DIP2B: variants seen among roughly 807,000 people sequenced by gnomAD.
DIP2B encodes the protein DIP2 acetate--CoA ligase B (putative).
A neutral mutation model predicts 198.0 loss-of-function variants in DIP2B; 76 were observed. The observed-to-expected ratio is 0.38, with a 90% CI of 0.32 to 0.46. The LOEUF (loss-of-function observed/expected upper bound fraction) is 0.46, where lower values mean the gene tolerates loss of function less well. DIP2B is among the 20% of genes least tolerant of loss of function. The probability of loss-of-function intolerance (pLI) is 0.99; values close to 1 mark genes in which losing one functional copy is unlikely to be tolerated. For synonymous variants in DIP2B, 701 were observed against 739.1 expected, an observed-to-expected ratio of 0.95 and a Z score of 0.84; for missense variants, 1,559 against 1,978.4, an observed-to-expected ratio of 0.79 and a Z score of 4.02.
At chr12:50,652,542 A>T (rs2139502191) in intron 3 of DIP2B, among the ~76,000 whole-genome samples, 1 of 152,134 alleles carries the variant, frequency 6.6e-6, no homozygotes, top group East Asian at 1.9e-4. Context: ...TTTCAAAAAA[A>T]AGAAGTATGA....
chr12:50,708,601 C>T, intron 22 of DIP2B, 39 bp downstream of exon 22: 3 of 1,493,382 alleles, frequency 2.0e-6, no homozygotes, highest in Non-Finnish European at 2.7e-6. Context: ...TCAGCGGTGG[C>T]AGCAACCACT....
Position 50,521,190 on chromosome 12 carries a change from T to A in DIP2B, c.100+15950T>A, listed in dbSNP as rs769603424. On this transcript the variant is annotated intron_variant, in intron 1 of 37. Coordinates refer to ENST00000301180, the MANE Select transcript of DIP2B (RefSeq NM_173602.3). ...GGCGCGATGTCAGGTCACTGCAACCTCTGCCTCCCGGGTTTAATCGATTCT... is the reference window on the plus strand; with the variant it reads ...GGCGCGATGTCAGGTCACTGCAACCACTGCCTCCCGGGTTTAATCGATTCT... Among the ~76,000 whole-genome samples, 50 of 142,870 alleles carry A rather than the reference T, an allele frequency of 3.5e-4. 1 individual carries two copies. Among genetic ancestry groups the A allele is most frequent in the Non-Finnish European group, 1.5e-5 (1 of 66,236 alleles). 93.7% of individuals were successfully genotyped at this position (142,870 alleles called of 152,430 possible).
chr12:50,600,886 G>GACC (rs1375464817), intron 1 of DIP2B, among the ~76,000 whole-genome samples: 64 of 135,084 alleles, frequency 4.7e-4, no homozygotes, highest in Middle Eastern at 7.3e-3. Context: ...TCACCACCAT[G>GACC]ACCACCATCA....
rs1331888198 is a variant in DIP2B, at chr12:50,727,751, C to A, written c.3449C>A (p.Pro1150His). 6.2e-7 allele frequency: 1 copy of A among 1,614,192 alleles called. No individual in the cohort carries two copies. The highest frequency in any genetic ancestry group is 1.7e-5 in the Admixed American group (1 of 60,022). ...CCTCAGCTGTATAAACCGCCCACTC[C>A]TGAGATGTTGGCATATCTTGATTTT... Reference protein sequence around the residue: ...RLPQLYKPPTPEMLAYLDFSV... With the variant: ...RLPQLYKPPTHEMLAYLDFSV... Residue 1150 changes from proline (P) to histidine (H), a missense_variant, in exon 29 of 38, where the codon CCT becomes CAT. Coordinates refer to ENST00000301180, the MANE Select transcript of DIP2B (RefSeq NM_173602.3).
At chr12:50,603,957 T>A (rs748180045) in intron 1 of DIP2B, among the ~76,000 whole-genome samples, 8 of 152,124 alleles carry the variant, frequency 5.3e-5, no homozygotes, top group Non-Finnish European at 8.8e-5. Flanking sequence ...GTTCCAGGCC[T>A]TGGCTTGCTG....
intron 1 of DIP2B, among the ~76,000 whole-genome samples, chr12:50,591,301 A>T (rs1958816029): frequency 6.6e-6 from 1 of 151,902 alleles, no homozygotes; most frequent in South Asian, 2.1e-4. Context: ...CAATTCTTGA[A>T]CCTGAAGTTA....
chr12:50,620,263 C>T (rs1431219030), intron 1 of DIP2B, among the ~76,000 whole-genome samples: 3 of 152,290 alleles, frequency 2.0e-5, no homozygotes, highest in African/African-American at 4.8e-5. Flanking sequence ...GGCAGGCTCA[C>T]GCACGCCTCC....
chr12:50,738,234 G>A (rs1940173802), intron 35 of DIP2B, among the ~76,000 whole-genome samples: 1 of 151,988 alleles, frequency 6.6e-6, no homozygotes, highest in Non-Finnish European at 1.5e-5. Flanking sequence ...CAGCTACTCA[G>A]GAGGCTGAGG....
At chr12:50,567,441 A>G (rs1207880972) in intron 1 of DIP2B, among the ~76,000 whole-genome samples, 1 of 152,124 alleles carries the variant, frequency 6.6e-6, no homozygotes, top group African/African-American at 2.4e-5. Context: ...TAGCTTTTTC[A>G]TAGTTTCTAT....
chr12:50,594,664 TATTA>T (rs1187143408), intron 1 of DIP2B, among the ~76,000 whole-genome samples: 4 of 152,222 alleles, frequency 2.6e-5, no homozygotes, highest in South Asian at 2.1e-4. Context: ...ATGATCAGAT[TATTA>T]ATTGAGAGTT....
At chr12:50,698,603 T>A in intron 18 of DIP2B, 136 bp downstream of exon 18, 1 of 1,079,424 alleles carries the variant, frequency 9.3e-7, no homozygotes, top group Non-Finnish European at 1.3e-6. Flanking sequence ...AGAGCCTCTC[T>A]AATAGTTAAG....
At chr12:50,736,843 C>G (rs971365862) in intron 34 of DIP2B, among the ~76,000 whole-genome samples, 193 bp from the exon 35 acceptor site, 6 of 152,200 alleles carry the variant, frequency 3.9e-5, no homozygotes, top group African/African-American at 1.4e-4. Flanking sequence ...CTTCAATGAA[C>G]TGAGGAAGGT....
intron 23 of DIP2B, among the ~76,000 whole-genome samples, chr12:50,717,619 G>A (rs536042249): frequency 2.7e-5 from 4 of 150,412 alleles, no homozygotes; most frequent in South Asian, 2.1e-4. Flanking sequence ...CGCCCGCCTC[G>A]GCCTCCCAAA....
At chr12:50,553,008 G>A (rs1958440383) in intron 1 of DIP2B, among the ~76,000 whole-genome samples, 1 of 152,010 alleles carries the variant, frequency 6.6e-6, no homozygotes, top group South Asian at 2.1e-4. Context: ...GCTAATTTTT[G>A]CATTCTTATT....
At chr12:50,549,170 T>TAA (rs780278216) in intron 1 of DIP2B, among the ~76,000 whole-genome samples, 5 of 137,512 alleles carry the variant, frequency 3.6e-5, no homozygotes, top group African/African-American at 5.4e-5. Context: ...GGGGCTGGTT[T>TAA]AAAAAAAAAA....
chr12:50,590,690 C>T (rs564705120), intron 1 of DIP2B, among the ~76,000 whole-genome samples: 1 of 152,272 alleles, frequency 6.6e-6, no homozygotes, highest in East Asian at 1.9e-4. Context: ...TTAATTGTCA[C>T]AGCATCTGCT....
intron 1 of DIP2B, among the ~76,000 whole-genome samples, chr12:50,551,834 C>G (rs1958429811): frequency 6.6e-6 from 1 of 152,270 alleles, no homozygotes; most frequent in East Asian, 1.9e-4. Flanking sequence ...ATTTAAGTTG[C>G]TTCAGCCACA....
chr12:50,726,808 TATTCTTAA>T (rs1182340768), intron 28 of DIP2B, among the ~76,000 whole-genome samples: 1 of 152,028 alleles, frequency 6.6e-6, no homozygotes, highest in African/African-American at 2.4e-5. Flanking sequence ...GATAGATTAC[TATTCTTAA>T]AATTCTGCCA....
At chr12:50,545,535 C>G (rs571302842) in intron 1 of DIP2B, among the ~76,000 whole-genome samples, 4 of 151,840 alleles carry the variant, frequency 2.6e-5, no homozygotes, top group Admixed American at 2.6e-4. Flanking sequence ...GCCACCATGC[C>G]TGGCTAATTA....
Sources: gnomAD v4.1 joint callset for allele counts (sites outside exome capture counted in the v4.1 genomes callset) on GRCh38, gnomAD v4.1.1 for gene constraint, MANE v1.5 for transcripts, NCBI Gene and HGNC (gene_info 2026-07-23, HGNC 2026-07-21) for gene names.